Variants in SDHA observed in about 807,000 individuals in gnomAD.
The protein encoded by SDHA is succinate dehydrogenase [ubiquinone] flavoprotein subunit, mitochondrial.
In SDHA, 48 loss-of-function variants were observed where a neutral mutation model predicts 78.4. That is an observed-to-expected ratio of 0.61 (90% CI 0.49 to 0.78). SDHA has a LOEUF of 0.78. Among genes scored for constraint, SDHA ranks in the 30% least tolerant of loss-of-function variants. The pLI is 0.00. For missense variants in SDHA, 680 were observed against 892.7 expected (o/e 0.76, Z 3.04); for synonymous variants, 326 against 353.9 (o/e 0.92, Z 0.88).
At chr5:244,374 A>G (rs1736321850) in intron 11 of SDHA, among the ~76,000 whole-genome samples, 1 of 151,990 alleles carries the variant, frequency 6.6e-6, no homozygotes, top group South Asian at 2.1e-4. Flanking sequence ...TTCAGATTAC[A>G]ATGAGGAAAT....
chr5:250,135 C>T (rs1736721425), intron 11 of SDHA: 1 of 152,140 alleles, frequency 6.6e-6, no homozygotes, highest in South Asian at 2.1e-4. Context: ...TTCATTTGTT[C>T]TTCCTGAAAA....
chr5:221,541 TCTTA>T (rs1734718534), intron 1 of SDHA, among the ~76,000 whole-genome samples: 2 of 152,266 alleles, frequency 1.3e-5, no homozygotes, highest in Admixed American at 1.3e-4. Flanking sequence ...TCTCTGCACT[TCTTA>T]CTTTTCCCCT....
At chr5:219,004 C>G (rs1734554940) in intron 1 of SDHA, among the ~76,000 whole-genome samples, 1 of 152,218 alleles carries the variant, frequency 6.6e-6, no homozygotes, top group Non-Finnish European at 1.5e-5. Context: ...GTTCGCCTTT[C>G]CAGAAAGCGC....
At chr5:227,268 C>T (rs1735089313) in intron 5 of SDHA, among the ~76,000 whole-genome samples, 2 of 152,182 alleles carry the variant, frequency 1.3e-5, no homozygotes, top group Admixed American at 1.3e-4. Flanking sequence ...CCTTGGCCTC[C>T]GAAAGTGCTG....
At chr5:242,556 C>T (rs930901396) in intron 11 of SDHA, among the ~76,000 whole-genome samples, 2 of 152,226 alleles carry the variant, frequency 1.3e-5, no homozygotes, top group African/African-American at 4.8e-5. Context: ...TGTGAGACCC[C>T]TGATTTCCCA....
intron 6 of SDHA, among the ~76,000 whole-genome samples, chr5:229,787 G>A (rs1282351752): frequency 6.1e-5 from 9 of 147,330 alleles, no homozygotes; most frequent in African/African-American, 1.6e-4. Context: ...ATACAGCATG[G>A]TGGCTAGAGT....
At chr5:231,302 G>T (rs1002088986) in intron 7 of SDHA, among the ~76,000 whole-genome samples, 1 of 152,098 alleles carries the variant, frequency 6.6e-6, no homozygotes, top group Admixed American at 6.5e-5. Context: ...GCTCACTCCT[G>T]TAGTCCCAGC....
intron 14 of SDHA, among the ~76,000 whole-genome samples, chr5:255,268 T>C (rs1219664378): frequency 3.3e-5 from 5 of 151,864 alleles, no homozygotes; most frequent in Non-Finnish European, 7.4e-5. Flanking sequence ...GTAAGAGTCG[T>C]ATAATCACTT....
chr5:225,483 C>A lies in SDHA; in HGVS notation c.377C>A (p.Thr126Asn), dbSNP rs748121363. 1 of 1,613,776 alleles carries A rather than the reference C, an allele frequency of 6.2e-7. No homozygotes were observed. Residue 126 changes from threonine (T) to asparagine (N), a missense_variant, in exon 4 of 15, where the codon ACC (threonine) becomes AAC (asparagine). Transcript: ENST00000264932. ...AACTGGAGGTGGCATTTCTACGACACCGTGAAGGGCTCCGACTGGCTGGGG... is the reference window on the plus strand; with the variant it reads ...AACTGGAGGTGGCATTTCTACGACAACGTGAAGGGCTCCGACTGGCTGGGG... ...EDNWRWHFYD[T>N]VKGSDWLGDQ...
chr5:223,051 C>G lies in SDHA; in HGVS notation c.64-431C>G, dbSNP rs559209657. ...CACAAGCCCTCCTGGACGATTGGAA[C>G]TGTAATGTGGAAAGGGCTATGATGG... On this transcript the variant is annotated intron_variant, in intron 1 of 14. Transcript: ENST00000264932. 1.5e-3 allele frequency among the ~76,000 whole-genome samples: 234 copies of G among 152,300 alleles called. 1 individual carries two copies. Among genetic ancestry groups the G allele is most frequent in the Non-Finnish European group, 2.6e-3 (175 of 68,032 alleles).
intron 10 of SDHA, among the ~76,000 whole-genome samples, chr5:239,719 C>T (rs1736022776): frequency 6.6e-6 from 1 of 151,956 alleles, no homozygotes; most frequent in African/African-American, 2.4e-5. Context: ...TCTTTTTTCC[C>T]TTAGTGGAGT....
the SDHA span, among the ~76,000 whole-genome samples, chr5:263,714 C>T: frequency 3.5e-4 from 53 of 152,306 alleles, no homozygotes; most frequent in African/African-American, 1.2e-3. Flanking sequence ...TGACATCATG[C>T]TTTGTTTATG....
intron 10 of SDHA, among the ~76,000 whole-genome samples, chr5:238,152 A>C (rs1021447000): frequency 6.6e-6 from 1 of 151,640 alleles, no homozygotes; most frequent in Non-Finnish European, 1.5e-5. Context: ...TCAGACTCAA[A>C]AGGCTGCATG....
the SDHA span, among the ~76,000 whole-genome samples, chr5:265,421 C>A: frequency 0.24 from 36,313 of 151,286 alleles, 6,716 homozygotes; most frequent in African/African-American, 0.52. Context: ...AACCAACCAA[C>A]CAAACACATG....
At chr5:268,169 C>T in the SDHA span, among the ~76,000 whole-genome samples, 5 of 150,594 alleles carry the variant, frequency 3.3e-5, no homozygotes, top group East Asian at 1.9e-4. Flanking sequence ...TGAGTATGCA[C>T]GCAGGGTGTT....
rs1023347173 is a variant in SDHA at position 225,341 on chromosome 5, C to G, written c.313-78C>G. The G allele has an allele frequency of 1.3e-5, 20 of 1,594,772 alleles. No individual in the cohort carries two copies. In the African/African-American group the frequency reaches 1.7e-4, roughly 14 times the overall value. On this transcript the variant is annotated intron_variant, in intron 3 of 14. Transcript: ENST00000264932. ...AGTAGTTGGCTTTCTCTGAATCCCC[C>G]CAGCGGGTGGATTTGGGCCTGGAAG...
At chr5:244,103 C>A (rs2126613368) in intron 11 of SDHA, among the ~76,000 whole-genome samples, 1 of 152,164 alleles carries the variant, frequency 6.6e-6, no homozygotes, top group East Asian at 1.9e-4. Context: ...CATGAGGGGC[C>A]CGTCCTGGGT....
At chr5:241,816 C>T (rs1437667202) in intron 11 of SDHA, among the ~76,000 whole-genome samples, 1 of 152,182 alleles carries the variant, frequency 6.6e-6, no homozygotes, top group Non-Finnish European at 1.5e-5. Context: ...TGAAGCTGGG[C>T]TTCAGGGAGG....
intron 11 of SDHA, chr5:250,698 G>A (rs1561009972): frequency 2.5e-6 from 1 of 397,268 alleles, no homozygotes; most frequent in Non-Finnish European, 4.8e-6. Flanking sequence ...ATGGAACATG[G>A]TGCCTCACAG....
Sources: gnomAD v4.1 joint callset for allele counts (sites outside exome capture counted in the v4.1 genomes callset) on GRCh38, gnomAD v4.1.1 for gene constraint, MANE v1.5 for transcripts, NCBI Gene and HGNC (gene_info 2026-07-23, HGNC 2026-07-21) for gene names.